The following FAN1 variants were observed in gnomAD, a reference collection of about 807,000 sequenced individuals.
The protein encoded by FAN1 is FANCD2 and FANCI associated nuclease 1.
In FAN1, 91 loss-of-function variants were observed where a neutral mutation model predicts 104.9. That is an observed-to-expected ratio of 0.87 (90% CI 0.73 to 1.03). The LOEUF is 1.03. Ranked by LOEUF, FAN1 falls within the 50% of genes least tolerant of loss-of-function variation. The pLI, the probability that FAN1 is intolerant of heterozygous loss-of-function variation, is 0.00. For synonymous variants in FAN1, 478 were observed against 457.6 expected (o/e 1.04, Z -0.57); for missense variants, 1,263 against 1,239.9 (o/e 1.02, Z -0.28).
rs1555400977 is a variant in FAN1 at position 30,919,688 on chromosome 15, C to CG, written c.1944-853dup. Among the ~76,000 whole-genome samples the CG allele has an allele frequency of 1.7e-4, 20 of 118,634 alleles. No homozygotes were observed. The South Asian group carries it at 2.9e-3, about 17-fold the overall frequency. 77.8% of individuals were successfully genotyped at this position (118,634 alleles called of 152,430 possible). On this transcript the variant is annotated intron_variant, in intron 6 of 14. Coordinates refer to ENST00000362065, the MANE Select transcript of FAN1 (RefSeq NM_014967.5). ...TGGGTGACAGAGCGAGACTCTGTCTCGGGGAAAAAAAAAAAAAAAAAGAAA... is the reference window on the plus strand; with the variant it reads ...TGGGTGACAGAGCGAGACTCTGTCTCGGGGGAAAAAAAAAAAAAAAAAGAAA...
At chr15:30,909,368 TTGGTTGTGAA>T (rs1181619762) in intron 3 of FAN1, among the ~76,000 whole-genome samples, 7 of 152,058 alleles carry the variant, frequency 4.6e-5, no homozygotes, top group African/African-American at 1.4e-4. Context: ...GTGAAGGCGC[TTGGTTGTGAA>T]TGGTTAGTGG....
At position 30,908,245 on chromosome 15, in the gene FAN1, C is replaced by T; in HGVS notation, c.1362C>T (p.Gly454=). The change falls in exon 3 of 15, where the codon GGC becomes GGT. Residue 454 remains glycine (G), a synonymous_variant. Coordinates refer to ENST00000362065, the MANE Select transcript of FAN1 (RefSeq NM_014967.5). ...TGATTGAAGAATTGACGAATGCAGG[C>T]TTTCTACAGACAGGTATGACTAGTA... ...TPVIEELTNA[G]FLQTESELQE... 1 of 1,605,006 alleles carries T rather than the reference C, an allele frequency of 6.2e-7. No individual in the cohort carries two copies. The highest frequency in any genetic ancestry group is 8.5e-7 in the Non-Finnish European group (1 of 1,176,380).
chr15:30,934,925 A>G (rs1245789718), intron 13 of FAN1, among the ~76,000 whole-genome samples: 1 of 152,142 alleles, frequency 6.6e-6, no homozygotes, highest in African/African-American at 2.4e-5. Flanking sequence ...TGCTTTCTAC[A>G]GTTGATTAAT....
Position 30,929,260 on chromosome 15 carries a change from G to T in FAN1, c.2650G>T (p.Glu884Ter), listed in dbSNP as rs1435961934. 1.9e-6 allele frequency: 3 copies of T among 1,613,554 alleles called. No individual in the cohort carries two copies. In the East Asian group the frequency reaches 6.7e-5, roughly 36 times the overall value. The change falls in exon 12 of 15, where the codon GAG (glutamate) becomes TAG (stop). Residue 884 changes from glutamate to a stop codon, truncating the protein, a stop_gained. Coordinates refer to ENST00000362065, the MANE Select transcript of FAN1 (RefSeq NM_014967.5). LOFTEE classifies it high-confidence loss of function. Reference sequence around the variant, plus strand: ...CTTCACAAGCAGACGCCCAGCCCTTGAGGCCAGGCTGCAGCTGATTCATGA... The same window carrying T: ...CTTCACAAGCAGACGCCCAGCCCTTTAGGCCAGGCTGCAGCTGATTCATGA... ...SFFTSRRPAL[E>*]ARLQLIHDAP...
chr15:30,939,234 C>T, intron 14 of FAN1: 1 of 985,442 alleles, frequency 1.0e-6, no homozygotes, highest in African/African-American at 1.7e-5. Flanking sequence ...CAGTTTCCAT[C>T]ATAAAATAAC....
chr15:30,929,939 T>TATATAATATATATCATATAATATATAAA (rs1566931294), intron 12 of FAN1, among the ~76,000 whole-genome samples: 3 of 98,816 alleles, frequency 3.0e-5, no homozygotes, highest in African/African-American at 1.6e-4. Context: ...ATATATAAAA[T>TATATAATATATATCATATAATATATAAA]ATATAATATA....
intron 8 of FAN1, among the ~76,000 whole-genome samples, chr15:30,923,111 C>G (rs924509056): frequency 2.6e-5 from 4 of 152,158 alleles, no homozygotes; most frequent in African/African-American, 9.7e-5. Context: ...TTAAGTGAAT[C>G]AGGGTGATGT....
chr15:30,920,541 T>C lies in FAN1; in HGVS notation c.1944-4T>C, dbSNP rs200971774. 5.6e-3 allele frequency: 8,971 copies of C among 1,595,786 alleles called. 37 individuals carry two copies. Among genetic ancestry groups the C allele is most frequent in the Middle Eastern group, 7.5e-3 (45 of 6,020 alleles). ...TAAACTACTGGTATATGTCTTCATT[T>C]TAGATGCCACGAAGATTTACCACTC... On this transcript the variant is annotated splice_region_variant and splice_polypyrimidine_tract_variant and intron_variant, in intron 6 of 14. Coordinates refer to ENST00000362065, the MANE Select transcript of FAN1 (RefSeq NM_014967.5).
intron 10 of FAN1, chr15:30,927,463 A>G (rs549757858): frequency 2.6e-5 from 26 of 985,620 alleles, no homozygotes; most frequent in Admixed American, 1.8e-4. Flanking sequence ...AACTGACAGG[A>G]AGACAGGACA....
intron 14 of FAN1, chr15:30,939,965 C>T (rs1283955638): frequency 1.0e-6 from 1 of 982,412 alleles, no homozygotes; most frequent in African/African-American, 1.7e-5. Context: ...CTGTTATATC[C>T]AGAGACATTA....
Position 30,905,335 on chromosome 15 carries a change from G to A in FAN1, c.672G>A (p.Glu224=), listed in dbSNP as rs369869010. ...NVFKCDSLKE[E]CIPEHMVRGS... The stretch of plus-strand genomic sequence containing the variant: ...TTAAATGTGATTCTCTAAAGGAAGA[G>A]TGCATTCCTGAACATATGGTAAGAG... The change falls in exon 2 of 15, where the codon GAG becomes GAA. Residue 224 remains glutamate (E), a synonymous_variant. Coordinates refer to ENST00000362065, the MANE Select transcript of FAN1 (RefSeq NM_014967.5). 6.8e-6 allele frequency: 11 copies of A among 1,613,798 alleles called. No homozygotes were observed. The African/African-American group carries it at 1.1e-4, about 16-fold the overall frequency.
intron 6 of FAN1, among the ~76,000 whole-genome samples, 180 bp from the exon 7 acceptor site, chr15:30,920,365 A>G (rs1373293998): frequency 6.6e-6 from 1 of 152,232 alleles, no homozygotes; most frequent in African/African-American, 2.4e-5. Flanking sequence ...TGAGTGACCT[A>G]GGACGTGGTA....
intron 8 of FAN1, among the ~76,000 whole-genome samples, chr15:30,924,052 A>G (rs2062399542): frequency 6.6e-6 from 1 of 152,134 alleles, no homozygotes; most frequent in Non-Finnish European, 1.5e-5. Flanking sequence ...GTGTCTGTAA[A>G]TGTGCCTGTT....
intron 5 of FAN1, among the ~76,000 whole-genome samples, chr15:30,917,493 A>G (rs2062220579): frequency 1.3e-5 from 2 of 152,232 alleles, no homozygotes; most frequent in South Asian, 4.1e-4. Flanking sequence ...CTCTTACTTT[A>G]CAGTGTTTGT....
At chr15:30,918,905 C>A (rs921481665) in intron 6 of FAN1, among the ~76,000 whole-genome samples, 1 of 152,096 alleles carries the variant, frequency 6.6e-6, no homozygotes, top group Non-Finnish European at 1.5e-5. Flanking sequence ...GGGTACCGAC[C>A]CCTCAGACAG....
intron 13 of FAN1, among the ~76,000 whole-genome samples, chr15:30,936,756 G>A (rs150953438): frequency 6.5e-4 from 99 of 152,308 alleles, no homozygotes; most frequent in African/African-American, 2.3e-3. Flanking sequence ...TTAGCCTACA[G>A]TTGGGCAGAT....
chr15:30,906,633 A>T (rs2061985683), intron 2 of FAN1: 1 of 422,572 alleles, frequency 2.4e-6, no homozygotes. Flanking sequence ...AAATGCGGCC[A>T]TGTGTGACTC....
intron 14 of FAN1, chr15:30,939,319 T>C: frequency 1.0e-6 from 1 of 985,490 alleles, no homozygotes; most frequent in Non-Finnish European, 1.2e-6. Flanking sequence ...CGGCATTCCC[T>C]CAGCACGGGC....
chr15:30,937,337 T>C (rs2062884532), intron 14 of FAN1, 78 bp downstream of exon 14: 2 of 1,356,086 alleles, frequency 1.5e-6, no homozygotes, highest in Admixed American at 2.2e-5. Context: ...TTAATTTTGT[T>C]ATCGTGCATT....
Sources: allele counts gnomAD v4.1 joint callset (sites outside exome capture counted in the v4.1 genomes callset), GRCh38; gene constraint gnomAD v4.1.1; transcripts MANE v1.5; gene names NCBI Gene and HGNC (gene_info 2026-07-23, HGNC 2026-07-21).